The following CREB3 variants were observed in gnomAD, a reference collection of about 807,000 sequenced individuals.
CREB3 encodes cyclic AMP-responsive element-binding protein 3.
CREB3 carries 29 observed loss-of-function variants against 34.5 expected under a neutral mutation model. The observed-to-expected ratio is 0.84, with a 90% confidence interval of 0.63 to 1.15. The LOEUF is 1.15. CREB3 is among the 50% of genes most tolerant of loss of function. The pLI, the probability that CREB3 is intolerant of heterozygous loss-of-function variation, is 0.00. For synonymous variants in CREB3, 187 were observed against 173.9 expected (o/e 1.08, Z -0.59); for missense variants, 447 against 443.4 (o/e 1.01, Z -0.07).
rs1023123544 is a variant in CREB3 at position 35,736,836 on chromosome 9, C to T, written c.*110C>T. ...CCGCAGCTCCTGTGCCCTGTCAGGA[C>T]GACTGAGGGCTCAAACACACCACAC... On this transcript the variant is annotated 3_prime_UTR_variant, in exon 9 of 9. Coordinates refer to ENST00000353704, the MANE Select transcript of CREB3 (RefSeq NM_006368.5). The T allele has an allele frequency of 7.7e-5, 77 of 1,005,040 alleles. No individual in the cohort carries two copies. Among genetic ancestry groups the T allele is most frequent in the Non-Finnish European group, 1.0e-4 (69 of 679,946 alleles). The allele number at this position is 1,005,040 out of a possible 1,614,324, so 62.3% of individuals were successfully genotyped here.
Position 35,732,936 on chromosome 9 carries a change from T to C in CREB3, c.129+35T>C. ...GGTTCTGACTGGGGAAAGCGTGGGA[T>C]GTCCATGAAGTCAGGTGATGGTGAT... is the stretch of plus-strand genomic sequence containing the variant. On this transcript the variant is annotated intron_variant, in intron 1 of 8. Transcript: ENST00000353704. This position sits in a 1 kb window ranked among gnomAD's most constrained non-coding sequence, Gnocchi z 5.1. The C allele has an allele frequency of 6.2e-7, 1 of 1,612,882 alleles. No homozygotes were observed.
chr9:35,732,754 C>G lies in CREB3; in HGVS notation c.-19C>G. The G allele has an allele frequency of 6.3e-7, 1 of 1,599,860 alleles. No individual in the cohort carries two copies. Among genetic ancestry groups the G allele is most frequent in the South Asian group, 1.1e-5 (1 of 88,758 alleles). On this transcript the variant is annotated 5_prime_UTR_variant, in exon 1 of 9. Transcript: ENST00000353704. The surrounding 1 kb of genome is among the most constrained non-coding windows in gnomAD (Gnocchi z 5.1). ...GGACGTTGGGGCCCGGTGGCCCACC[C>G]TTTCCGTAGTTGTCCCAAATGGAGC...
chr9:35,736,077 A>T lies in CREB3; in HGVS notation c.641A>T (p.Gln214Leu). ...CTTCTAGATCAACTGAGGAAACTCC[A>T]GGCCATGGTGATTGAGATATCAAAC... is the stretch of plus-strand genomic sequence containing the variant. ...LSLLDQLRKL[Q>L]AMVIEISNKT... is the part of the protein sequence containing the mutation. Residue 214 changes from glutamine to leucine, a missense_variant, in exon 7 of 9, where the codon CAG becomes CTG. Gln to Leu is a moderately radical substitution (Grantham distance 113). Coordinates refer to ENST00000353704, the MANE Select transcript of CREB3 (RefSeq NM_006368.5). The T allele has an allele frequency of 6.2e-7, 1 of 1,614,066 alleles. No homozygotes were observed. The highest frequency in any genetic ancestry group is 8.5e-7 in the Non-Finnish European group (1 of 1,179,972).
In CREB3 at chr9:35,736,662, G is replaced by C; in HGVS notation, c.1052G>C (p.Arg351Thr). Residue 351 changes from arginine to threonine, a missense_variant, in exon 9 of 9, where the codon AGG becomes ACG. Coordinates refer to ENST00000353704, the MANE Select transcript of CREB3 (RefSeq NM_006368.5). ...PILPLQANLT[R>T]KGGWLPTGSP... ...CTCCCCCTGCAGGCAAATCTCACAAGGAAGGGAGGATGGCTTCCTACTGGT... is the reference window on the plus strand; with the variant it reads ...CTCCCCCTGCAGGCAAATCTCACAACGAAGGGAGGATGGCTTCCTACTGGT... 1 of 1,613,270 alleles carries C rather than the reference G, an allele frequency of 6.2e-7. No individual in the cohort carries two copies. The highest frequency in any genetic ancestry group is 8.5e-7 in the Non-Finnish European group (1 of 1,180,016).
Position 35,736,865 on chromosome 9 carries a change from A to G in CREB3, c.*139A>G. 2.4e-6 allele frequency: 2 copies of G among 827,254 alleles called. No individual in the cohort carries two copies. 51.2% of individuals were successfully genotyped at this position (827,254 alleles called of 1,614,324 possible). On this transcript the variant is annotated 3_prime_UTR_variant, in exon 9 of 9. Transcript: ENST00000353704. ...TGAGGGCTCAAACACACCACACTTA[A>G]TGGCTTTCTGGGTCTTTTATTTGTA...
At position 35,736,364 on chromosome 9, in the gene CREB3, G is replaced by C. The variant is rs1301734765; in HGVS notation, c.782-28G>C. ...CAGGGCAAGGGGAGAGGTCTGGGTT[G>C]GCCTCTGAAGATTCTTTGTCTCCTC... is the stretch of plus-strand genomic sequence containing the variant. On this transcript the variant is annotated intron_variant, in intron 8 of 8. Coordinates refer to ENST00000353704, the MANE Select transcript of CREB3 (RefSeq NM_006368.5). The C allele has an allele frequency of 5.6e-6, 9 of 1,612,996 alleles. No individual in the cohort carries two copies. The Admixed American group carries it at 1.5e-4, about 27-fold the overall frequency.
intron 6 of CREB3, among the ~76,000 whole-genome samples, 167 bp from the exon 7 acceptor site, chr9:35,735,881 C>A (rs1826192505): frequency 6.6e-6 from 1 of 152,106 alleles, no homozygotes; most frequent in Non-Finnish European, 1.5e-5. Context: ...TAATGAGGAA[C>A]TTCAGGCATT....
Position 35,733,310 on chromosome 9 carries a change from C to T in CREB3, c.345+28C>T, listed in dbSNP as rs1022072132. On this transcript the variant is annotated intron_variant, in intron 3 of 8. Transcript: ENST00000353704. ...ACTTGACTTGATTTTCAGGAGATTA[C>T]TCTCACATTCCCCAGGTGGGGGCAG... 5 of 1,613,428 alleles carry T rather than the reference C, an allele frequency of 3.1e-6. No homozygotes were observed. In the African/African-American group the frequency reaches 5.3e-5, roughly 17 times the overall value.
Position 35,736,837 on chromosome 9 carries a change from G to A in CREB3, c.*111G>A, listed in dbSNP as rs1826232883. 2.1e-5 allele frequency: 21 copies of A among 1,003,076 alleles called. No individual in the cohort carries two copies. Among genetic ancestry groups the A allele is most frequent in the Admixed American group, 4.5e-5 (2 of 44,224 alleles). 62.1% of individuals were successfully genotyped at this position (1,003,076 alleles called of 1,614,324 possible). Reference sequence around the variant, plus strand: ...CGCAGCTCCTGTGCCCTGTCAGGACGACTGAGGGCTCAAACACACCACACT... The same window carrying A: ...CGCAGCTCCTGTGCCCTGTCAGGACAACTGAGGGCTCAAACACACCACACT... On this transcript the variant is annotated 3_prime_UTR_variant, in exon 9 of 9. Coordinates refer to ENST00000353704, the MANE Select transcript of CREB3 (RefSeq NM_006368.5).
chr9:35,736,224 T>C lies in CREB3; in HGVS notation c.697-3T>C. On this transcript the variant is annotated splice_region_variant and splice_polypyrimidine_tract_variant and intron_variant, in intron 7 of 8. Transcript: ENST00000353704. ...TCTTCATCTCCTTTTTCCTGTGCTC[T>C]AGGTCCTACTAGTCTCCTTCTGCCT... 4 of 1,614,152 alleles carry C rather than the reference T, an allele frequency of 2.5e-6. No individual in the cohort carries two copies. Among genetic ancestry groups the C allele is most frequent in the Non-Finnish European group, 3.4e-6 (4 of 1,179,968 alleles).
intron 4 of CREB3, among the ~76,000 whole-genome samples, chr9:35,734,121 A>C (rs1365506286): frequency 6.6e-6 from 1 of 151,818 alleles, no homozygotes; most frequent in Non-Finnish European, 1.5e-5. Flanking sequence ...CTACAGGTGC[A>C]CACTACCCTG....
At position 35,732,999 on chromosome 9, in the gene CREB3, C is replaced by T; in HGVS notation, c.133C>T (p.Pro45Ser). 1 of 1,614,108 alleles carries T rather than the reference C, an allele frequency of 6.2e-7. No individual in the cohort carries two copies. The highest frequency in any genetic ancestry group is 8.5e-7 in the Non-Finnish European group (1 of 1,179,980). The change falls in exon 2 of 9, where the codon CCG (proline) becomes TCG (serine). Residue 45 changes from proline to serine, a missense_variant. Coordinates refer to ENST00000353704, the MANE Select transcript of CREB3 (RefSeq NM_006368.5). This position sits in a 1 kb window ranked among gnomAD's most constrained non-coding sequence, Gnocchi z 5.1. ...TGTTCATTGGAACCCTGCGCAGGTA[C>T]CGAGCGACTGGGAAGTAGATGATTT... is the stretch of plus-strand genomic sequence containing the variant. Reference protein sequence around the residue: ...LDWALPLSEVPSDWEVDDLLC... With the variant: ...LDWALPLSEVSSDWEVDDLLC...
At chr9:35,735,799 G>A (rs894225182) in intron 6 of CREB3, among the ~76,000 whole-genome samples, 6 of 152,226 alleles carry the variant, frequency 3.9e-5, no homozygotes, top group African/African-American at 7.2e-5. Context: ...GATGATATTC[G>A]CAAAGGAGGT....
intron 5 of CREB3, 27 bp downstream of exon 5, chr9:35,735,242 TA>T: frequency 6.2e-7 from 1 of 1,612,204 alleles, no homozygotes; most frequent in Non-Finnish European, 8.5e-7. Context: ...GACTCTGTTG[TA>T]AGTATTAGGT....
intron 6 of CREB3, among the ~76,000 whole-genome samples, chr9:35,735,592 A>G (rs1826186232): frequency 6.6e-6 from 1 of 152,238 alleles, no homozygotes; most frequent in African/African-American, 2.4e-5. Context: ...ATGGGCTTTC[A>G]TAGTAGTTAG....
At chr9:35,734,204 C>G (rs577418679) in intron 4 of CREB3, among the ~76,000 whole-genome samples, 1 of 152,052 alleles carries the variant, frequency 6.6e-6, no homozygotes, top group African/African-American at 2.4e-5. Flanking sequence ...TCTCGAACTC[C>G]TGGGCTCAAG....
In CREB3 at chr9:35,736,318, G is replaced by A. The variant is rs759413495; in HGVS notation, c.781+7G>A. The A allele has an allele frequency of 6.2e-7, 1 of 1,613,868 alleles. No homozygotes were observed. On this transcript the variant is annotated splice_region_variant and intron_variant, in intron 8 of 8. Coordinates refer to ENST00000353704, the MANE Select transcript of CREB3 (RefSeq NM_006368.5). The stretch of plus-strand genomic sequence containing the variant: ...CTGCCAGCTGAGCATGGAGGTAAGA[G>A]GCTTAAGGATAGCTCTCAGACAGGG...
At position 35,736,302 on chromosome 9, in the gene CREB3, G is replaced by A; in HGVS notation, c.772G>A (p.Glu258Lys). 6.2e-7 allele frequency: 1 copy of A among 1,614,090 alleles called. No individual in the cohort carries two copies. The highest frequency in any genetic ancestry group is 8.5e-7 in the Non-Finnish European group (1 of 1,179,990). ...SSDTRGSLPAEHGVLSRQLRA... is the reference protein window; with the variant it reads ...SSDTRGSLPAKHGVLSRQLRA... ...TGACACAAGGGGGAGCCTGCCAGCT[G>A]AGCATGGAGGTAAGAGGCTTAAGGA... is the stretch of plus-strand genomic sequence containing the variant. Residue 258 changes from glutamate to lysine, a missense_variant, in exon 8 of 9, where the codon GAG becomes AAG. Glu to Lys is a moderately conservative substitution (Grantham distance 56). Transcript: ENST00000353704.
Position 35,736,656 on chromosome 9 carries a change from T to A in CREB3, c.1046T>A (p.Leu349His), listed in dbSNP as rs763022580. The A allele has an allele frequency of 6.2e-7, 1 of 1,613,458 alleles. No individual in the cohort carries two copies. Among genetic ancestry groups the A allele is most frequent in the Non-Finnish European group, 8.5e-7 (1 of 1,180,018 alleles). ...RGPILPLQAN[L>H]TRKGGWLPTG... ...CCCATCCTCCCCCTGCAGGCAAATC[T>A]CACAAGGAAGGGAGGATGGCTTCCT... The change falls in exon 9 of 9, where the codon CTC becomes CAC. Residue 349 changes from leucine to histidine, a missense_variant. By Grantham distance (99) the Leu-to-His change is moderately conservative. Transcript: ENST00000353704.
Sources: allele counts gnomAD v4.1 joint callset (sites outside exome capture counted in the v4.1 genomes callset), GRCh38; gene constraint gnomAD v4.1.1; non-coding constraint Gnocchi (gnomAD v3.1); transcripts MANE v1.5; gene names NCBI Gene and HGNC (gene_info 2026-07-23, HGNC 2026-07-21).